The following PLTP variants were observed in gnomAD, a reference collection of about 807,000 sequenced individuals.
PLTP encodes the protein BPI fold containing family E.
Under a neutral mutation model 54.1 loss-of-function variants are expected in PLTP, and 43 were observed. That is an observed-to-expected ratio of 0.79 (90% CI 0.62 to 1.02). The LOEUF (loss-of-function observed/expected upper bound fraction) is 1.02, where lower values mean the gene tolerates loss of function less well. Among genes scored for constraint, PLTP ranks in the 50% least tolerant of loss-of-function variants. The probability of loss-of-function intolerance (pLI) is 0.00; values close to 1 mark genes in which losing one functional copy is unlikely to be tolerated. For synonymous variants in PLTP, 263 were observed against 264.6 expected (o/e 0.99, Z 0.06); for missense variants, 604 against 645.9 (o/e 0.94, Z 0.70).
At chr20:45,903,844 CG>C (rs769994269) in intron 10 of PLTP, among the ~76,000 whole-genome samples, 68 of 150,744 alleles carry the variant, frequency 4.5e-4, no homozygotes, top group Non-Finnish European at 7.2e-4. Flanking sequence ...GTCCCCCCAC[CG>C]AAAAAAAAAG....
rs1335563912 is a variant in PLTP at position 45,898,715 on chromosome 20, A to G, written c.*226T>C. 4.5e-6 allele frequency: 3 copies of G among 662,148 alleles called. No homozygotes were observed. The highest frequency in any genetic ancestry group is 7.8e-6 in the Non-Finnish European group (3 of 385,278). The allele number at this position is 662,148 out of a possible 1,614,324, so 41.0% of individuals were successfully genotyped here. On this transcript the variant is annotated 3_prime_UTR_variant, in exon 16 of 16. Coordinates refer to ENST00000372431, the MANE Select transcript of PLTP (RefSeq NM_006227.4). This position sits in a 1 kb window ranked among gnomAD's most constrained non-coding sequence, Gnocchi z 4.6. ...AAAGAATGCCCTTTATGATGCACTGATTCCATCCCAGGAACCCAACAGAGC... is the reference window on the plus strand; with the variant it reads ...AAAGAATGCCCTTTATGATGCACTGGTTCCATCCCAGGAACCCAACAGAGC...
chr20:45,899,018 G>A lies in PLTP; in HGVS notation c.1405C>T (p.Arg469Ter), dbSNP rs1426126896. The A allele has an allele frequency of 5.0e-6, 8 of 1,614,150 alleles. No homozygotes were observed. Among genetic ancestry groups the A allele is most frequent in the Non-Finnish European group, 5.9e-6 (7 of 1,180,014 alleles). ...GADLHFAKGL[R>*]EVIEKNRPAD... is the part of the protein sequence containing the mutation. ...GGCCGGTTCTTCTCAATCACCTCTCGCAGCCCTTTGGCAAAGTGGAGATCA... is the reference window on the plus strand; with the variant it reads ...GGCCGGTTCTTCTCAATCACCTCTCACAGCCCTTTGGCAAAGTGGAGATCA... The change falls in exon 16 of 16, where the codon CGA becomes TGA. Residue 469 changes from arginine to a stop codon, truncating the protein, a stop_gained. Coordinates refer to ENST00000372431, the MANE Select transcript of PLTP (RefSeq NM_006227.4). LOFTEE classifies it high-confidence loss of function.
In PLTP at chr20:45,911,575, G is replaced by A. The variant is rs542435037; in HGVS notation, c.-11-112C>T. On this transcript the variant is annotated intron_variant, in intron 1 of 15. Coordinates refer to ENST00000372431, the MANE Select transcript of PLTP (RefSeq NM_006227.4). ...ATCGTTACCCTCCAGATAACTCTTC[G>A]GGGAACTTGGAACCAATAATCTTGC... 8.2e-5 allele frequency: 117 copies of A among 1,427,542 alleles called. No homozygotes were observed. The East Asian group carries it at 2.6e-3, about 32-fold the overall frequency. 88.4% of individuals were successfully genotyped at this position (1,427,542 alleles called of 1,614,324 possible).
intron 12 of PLTP, among the ~76,000 whole-genome samples, chr20:45,901,727 C>G (rs1414018152): frequency 1.3e-5 from 2 of 151,846 alleles, no homozygotes; most frequent in African/African-American, 4.8e-5. Context: ...TATGGTGAAA[C>G]CCTGTCTCTA....
In PLTP at chr20:45,911,135, C is replaced by T. The variant is rs774187977; in HGVS notation, c.200+17G>A. ...CGAGGCCCCGCCCCGGATCGCGAGG[C>T]CCCGCCCCCCACTTACTCAGAGATG... On this transcript the variant is annotated intron_variant, in intron 3 of 15. Coordinates refer to ENST00000372431, the MANE Select transcript of PLTP (RefSeq NM_006227.4). The T allele has an allele frequency of 3.1e-6, 5 of 1,612,688 alleles. No homozygotes were observed. Among genetic ancestry groups the T allele is most frequent in the Non-Finnish European group, 4.2e-6 (5 of 1,178,770 alleles).
At chr20:45,899,805 C>CCGGGGCCGG in intron 13 of PLTP, 31 bp downstream of exon 13, 1 of 1,414,708 alleles carries the variant, frequency 7.1e-7, no homozygotes, top group Non-Finnish European at 9.8e-7. Context: ...CTCACGAACC[C>CCGGGGCCGG]AGCCCAGCCC....
chr20:45,905,778 ACTC>A (rs1362497264), intron 8 of PLTP, among the ~76,000 whole-genome samples: 1 of 151,974 alleles, frequency 6.6e-6, no homozygotes, highest in African/African-American at 2.4e-5. Context: ...AAACTGCTAT[ACTC>A]CTCTGGGAGA....
At chr20:45,901,472 C>CA (rs1208483236) in intron 12 of PLTP, among the ~76,000 whole-genome samples, 1 of 152,106 alleles carries the variant, frequency 6.6e-6, no homozygotes, top group Non-Finnish European at 1.5e-5. Context: ...TGCATGCATG[C>CA]AGTCCCAGTT....
intron 15 of PLTP, 74 bp downstream of exon 15, chr20:45,899,388 G>A (rs1214559331): frequency 2.0e-6 from 3 of 1,487,770 alleles, no homozygotes; most frequent in Non-Finnish European, 2.8e-6. Flanking sequence ...GCTGGGGTCA[G>A]GTAATGGAGG....
chr20:45,907,099 T>G (rs1475827767), intron 7 of PLTP, among the ~76,000 whole-genome samples: 1 of 104,568 alleles, frequency 9.6e-6, no homozygotes, highest in East Asian at 2.0e-4. Flanking sequence ...GAGGCCAAGG[T>G]GGGCAGATCA....
Position 45,902,255 on chromosome 20 carries a change from G to A in PLTP, c.1175+12C>T, listed in dbSNP as rs2083192166. The A allele has an allele frequency of 1.2e-6, 2 of 1,613,216 alleles. No individual in the cohort carries two copies. Among genetic ancestry groups the A allele is most frequent in the East Asian group, 4.5e-5 (2 of 44,874 alleles). ...TCCAATCACTGAGGTGCAGGGAAGTGCGCCTGCCTACCTGCGCAGGTCCAG... is the reference window on the plus strand; with the variant it reads ...TCCAATCACTGAGGTGCAGGGAAGTACGCCTGCCTACCTGCGCAGGTCCAG... On this transcript the variant is annotated intron_variant, in intron 12 of 15. Transcript: ENST00000372431.
chr20:45,910,188 G>T (rs2083277429), intron 3 of PLTP, 118 bp from the exon 4 acceptor site: 11 of 1,137,034 alleles, frequency 9.7e-6, no homozygotes, highest in Non-Finnish European at 1.4e-5. Flanking sequence ...TGGGTGGAAT[G>T]AATTCTTCCA....
chr20:45,901,349 G>C (rs117165538), intron 12 of PLTP, among the ~76,000 whole-genome samples: 4,142 of 152,268 alleles, frequency 0.027, 66 homozygotes, highest in South Asian at 0.069. Flanking sequence ...TGTAATCCTA[G>C]CACTTTGGGA....
At chr20:45,905,495 G>GT (rs1364824780) in intron 8 of PLTP, among the ~76,000 whole-genome samples, 1 of 152,252 alleles carries the variant, frequency 6.6e-6, no homozygotes, top group Non-Finnish European at 1.5e-5. Flanking sequence ...AACAACGTGT[G>GT]TTTTCTTACT....
In PLTP at chr20:45,902,163, C is replaced by T. The variant is rs1303454597; in HGVS notation, c.1175+104G>A. 3.3e-6 allele frequency: 4 copies of T among 1,219,536 alleles called. No individual in the cohort carries two copies. In the Admixed American group the frequency reaches 5.9e-5, roughly 18 times the overall value. The allele number at this position is 1,219,536 out of a possible 1,614,324, so 75.5% of individuals were successfully genotyped here. Reference sequence around the variant, plus strand: ...ATGCATTAACAAAGACAGACCCCAGCTCTCAGTGGCTTACAGGTATCACTG... The same window carrying T: ...ATGCATTAACAAAGACAGACCCCAGTTCTCAGTGGCTTACAGGTATCACTG... On this transcript the variant is annotated intron_variant, in intron 12 of 15. Coordinates refer to ENST00000372431, the MANE Select transcript of PLTP (RefSeq NM_006227.4).
intron 5 of PLTP, among the ~76,000 whole-genome samples, chr20:45,908,488 C>T (rs896441987): frequency 2.0e-5 from 3 of 152,124 alleles, no homozygotes; most frequent in Non-Finnish European, 4.4e-5. Context: ...AGAACAATAT[C>T]CCCTTCTCAG....
In PLTP at chr20:45,909,635, A is replaced by G. The variant is rs1403015383; in HGVS notation, c.366T>C (p.Gly122=). The G allele has an allele frequency of 1.2e-6, 2 of 1,614,084 alleles. No individual in the cohort carries two copies. Among genetic ancestry groups the G allele is most frequent in the South Asian group, 2.2e-5 (2 of 91,078 alleles). ...DGGYINASAE[G]VSIRTGLELS... Reference sequence around the variant, plus strand: ...GCTCCAGACCAGTGCGGATGGACACACCCTCAGCTGAGGCGTTGATGTAGC... The same window carrying G: ...GCTCCAGACCAGTGCGGATGGACACGCCCTCAGCTGAGGCGTTGATGTAGC... The change falls in exon 5 of 16, where the codon GGT becomes GGC. Residue 122 remains glycine (G), a synonymous_variant. Transcript: ENST00000372431.
At chr20:45,907,925 G>A (rs545429369) in intron 5 of PLTP, 21 bp from the exon 6 acceptor site, 76 of 1,561,000 alleles carry the variant, frequency 4.9e-5, no homozygotes, top group African/African-American at 3.1e-4. Flanking sequence ...AGGAGAGGCC[G>A]GATGAGCCCA....
In PLTP at chr20:45,902,746, A is replaced by G. The variant is rs1208880236; in HGVS notation, c.943-142T>C. ...AATACAGAGGGAGCTCTGGCTTCCA[A>G]AACTCTCACATCTGCATCTAGCCTT... is the stretch of plus-strand genomic sequence containing the variant. On this transcript the variant is annotated intron_variant, in intron 10 of 15. Transcript: ENST00000372431. The G allele has an allele frequency of 4.2e-5, 33 of 788,658 alleles. 1 individual carries two copies. Among genetic ancestry groups the G allele is most frequent in the South Asian group, 3.9e-4 (21 of 53,840 alleles). 48.9% of individuals were successfully genotyped at this position (788,658 alleles called of 1,614,324 possible).
Sources: gnomAD v4.1 joint callset for allele counts (sites outside exome capture counted in the v4.1 genomes callset) on GRCh38, gnomAD v4.1.1 for gene constraint, Gnocchi (gnomAD v3.1) non-coding constraint, MANE v1.5 for transcripts, NCBI Gene and HGNC (gene_info 2026-07-23, HGNC 2026-07-21) for gene names.